Variants in ITFG1 observed in about 807,000 individuals in gnomAD.
The protein encoded by ITFG1 is T-cell immunomodulatory protein.
Under a neutral mutation model 81.8 loss-of-function variants are expected in ITFG1, and 34 were observed. The ratio of observed to expected loss-of-function variants is 0.42; its 90% confidence interval spans 0.32 to 0.55. The LOEUF (loss-of-function observed/expected upper bound fraction) is 0.55. Among genes scored for constraint, ITFG1 ranks in the 20% least tolerant of loss-of-function variants. The pLI is 0.17. For synonymous variants in ITFG1, 285 were observed against 270.6 expected, an observed-to-expected ratio of 1.05 and a Z score of -0.52; for missense variants, 672 against 755.4, an observed-to-expected ratio of 0.89 and a Z score of 1.29.
chr16:47,242,332 T>TA (rs1965944566), intron 12 of ITFG1, among the ~76,000 whole-genome samples: 3 of 139,402 alleles, frequency 2.2e-5, no homozygotes, highest in African/African-American at 8.2e-5. Flanking sequence ...ATGCAAATAA[T>TA]CAAAAAAAAA....
At chr16:47,344,957 T>A (rs1348745320) in intron 8 of ITFG1, among the ~76,000 whole-genome samples, 1 of 152,202 alleles carries the variant, frequency 6.6e-6, no homozygotes, top group Non-Finnish European at 1.5e-5. Context: ...CATTTTCTTA[T>A]CCATTCATCT....
chr16:47,366,444 G>C (rs1285689067), intron 7 of ITFG1, among the ~76,000 whole-genome samples: 2 of 152,190 alleles, frequency 1.3e-5, no homozygotes, highest in Non-Finnish European at 2.9e-5. Flanking sequence ...TGCAACAGCA[G>C]CCATGTGCTG....
intron 14 of ITFG1, among the ~76,000 whole-genome samples, chr16:47,185,659 A>G (rs1225823222): frequency 6.6e-6 from 1 of 152,204 alleles, no homozygotes; most frequent in Non-Finnish European, 1.5e-5. Flanking sequence ...AGAGAGCAGG[A>G]AAGATCCAAA....
At chr16:47,243,463 A>G (rs567011006) in intron 12 of ITFG1, among the ~76,000 whole-genome samples, 10 of 152,234 alleles carry the variant, frequency 6.6e-5, no homozygotes, top group Non-Finnish European at 1.5e-4. Context: ...GCTGGTGAAA[A>G]TATAAATCCC....
At chr16:47,186,183 A>G (rs1965212660) in intron 14 of ITFG1, among the ~76,000 whole-genome samples, 1 of 152,202 alleles carries the variant, frequency 6.6e-6, no homozygotes, top group South Asian at 2.1e-4. Context: ...CCAGAGGTAC[A>G]AGGAGGAACT....
intron 10 of ITFG1, among the ~76,000 whole-genome samples, chr16:47,298,165 C>CT (rs1399351316): frequency 6.6e-6 from 1 of 151,954 alleles, no homozygotes; most frequent in Non-Finnish European, 1.5e-5. Flanking sequence ...GCAGTTCTGG[C>CT]TTTTTTAGAA....
chr16:47,280,317 T>A (rs142523761), intron 10 of ITFG1, among the ~76,000 whole-genome samples: 1 of 152,192 alleles, frequency 6.6e-6, no homozygotes, highest in South Asian at 2.1e-4. Flanking sequence ...AGAGGTTTTA[T>A]CATGAATGCA....
At chr16:47,318,301 T>A (rs1967395608) in intron 8 of ITFG1, among the ~76,000 whole-genome samples, 1 of 152,182 alleles carries the variant, frequency 6.6e-6, no homozygotes, top group South Asian at 2.1e-4. Context: ...ATCTTTGAGA[T>A]GGTTTCATAA....
chr16:47,297,629 T>G (rs1271205114), intron 10 of ITFG1, among the ~76,000 whole-genome samples: 5 of 151,844 alleles, frequency 3.3e-5, no homozygotes, highest in African/African-American at 4.8e-5. Flanking sequence ...ATTGACAGTT[T>G]GCTTTTTTTT....
rs1288541855 is a variant in ITFG1 at position 47,247,015 on chromosome 16, C to CT, written c.1331-9008dup. 2.6e-5 allele frequency among the ~76,000 whole-genome samples: 4 copies of CT among 152,230 alleles called. No homozygotes were observed. In the South Asian group the frequency reaches 6.2e-4, roughly 24 times the overall value. On this transcript the variant is annotated intron_variant, in intron 12 of 17. Transcript: ENST00000320640. ...ACCAGGCTGGTCTCGAACTTGGGGC[C>CT]TCAAGTGATTCGCCTGCCTTGACCT...
chr16:47,368,346 G>A (rs1968205162), intron 7 of ITFG1, among the ~76,000 whole-genome samples: 1 of 151,080 alleles, frequency 6.6e-6, no homozygotes, highest in Admixed American at 6.6e-5. Context: ...GAGGTTAGGA[G>A]ATCAAGACCA....
chr16:47,218,765 G>A, intron 14 of ITFG1, 103 bp downstream of exon 14: 4 of 524,644 alleles, frequency 7.6e-6, no homozygotes, highest in Non-Finnish European at 1.3e-5. Context: ...AAGTGAAGAT[G>A]TTATTAAGGA....
chr16:47,258,617 T>G lies in ITFG1; in HGVS notation c.1330+15A>C. The G allele has an allele frequency of 9.1e-7, 1 of 1,094,338 alleles. No individual in the cohort carries two copies. The highest frequency in any genetic ancestry group is 1.4e-6 in the Non-Finnish European group (1 of 721,078). The allele number at this position is 1,094,338 out of a possible 1,614,324, so 67.8% of individuals were successfully genotyped here. On this transcript the variant is annotated intron_variant, in intron 12 of 17. Coordinates refer to ENST00000320640, the MANE Select transcript of ITFG1 (RefSeq NM_030790.5). ...AGAGAAAGAGAACAAAATTAAATGT[T>G]AGTACTTTACTCACCAATAACTTTA...
intron 8 of ITFG1, among the ~76,000 whole-genome samples, chr16:47,365,150 A>G (rs143352687): frequency 6.6e-6 from 1 of 152,322 alleles, no homozygotes; most frequent in East Asian, 1.9e-4. Flanking sequence ...AGGAAAGCCT[A>G]CGGTGGTTTA....
At chr16:47,443,993 T>C (rs1969290048) in intron 5 of ITFG1, among the ~76,000 whole-genome samples, 2 of 152,168 alleles carry the variant, frequency 1.3e-5, no homozygotes, top group South Asian at 4.1e-4. Flanking sequence ...ATATCTGCCA[T>C]ATAACGTAAT....
At chr16:47,258,191 T>C (rs1823817860) in intron 12 of ITFG1, among the ~76,000 whole-genome samples, 1 of 152,224 alleles carries the variant, frequency 6.6e-6, no homozygotes, top group Admixed American at 6.5e-5. Context: ...ATGTGCTTCC[T>C]GATATGATGC....
rs147240473 is a variant in ITFG1 at position 47,313,611 on chromosome 16, G to C, written c.897+118C>G. ...TTCATTAAGTTAAAATGAGGAAGTC[G>C]GTAACTTAATTTTGGGGTTCCCTCT... On this transcript the variant is annotated intron_variant, in intron 9 of 17. Coordinates refer to ENST00000320640, the MANE Select transcript of ITFG1 (RefSeq NM_030790.5). 399 of 417,642 alleles carry C rather than the reference G, an allele frequency of 9.6e-4. 3 individuals are homozygous for C. The East Asian group carries it at 0.014, about 15-fold the overall frequency. The allele number at this position is 417,642 out of a possible 1,614,324, so 25.9% of individuals were successfully genotyped here. A position where few individuals can be genotyped will look rare whatever the true frequency, so the allele number is the denominator to read the frequency against.
chr16:47,254,929 T>C (rs1400030274), intron 12 of ITFG1, among the ~76,000 whole-genome samples: 2 of 152,128 alleles, frequency 1.3e-5, no homozygotes, highest in Non-Finnish European at 2.9e-5. Context: ...CTACTAAAAA[T>C]ACAAAAGATT....
Position 47,214,281 on chromosome 16 carries a change from G to T in ITFG1, c.1453+4587C>A, listed in dbSNP as rs182069975. Among the ~76,000 whole-genome samples the T allele has an allele frequency of 1.6e-3, 251 of 152,262 alleles. 2 individuals carry two copies. Among genetic ancestry groups the T allele is most frequent in the African/African-American group, 5.6e-3 (233 of 41,540 alleles). On this transcript the variant is annotated intron_variant, in intron 14 of 17. Coordinates refer to ENST00000320640, the MANE Select transcript of ITFG1 (RefSeq NM_030790.5). ...ACACTAAGGGTACACAGAAGGCAAA[G>T]GTTACTTATGTTTTTCTCAGATATA...
Sources: allele counts gnomAD v4.1 joint callset (sites outside exome capture counted in the v4.1 genomes callset), GRCh38; gene constraint gnomAD v4.1.1; transcripts MANE v1.5; gene names NCBI Gene and HGNC (gene_info 2026-07-23, HGNC 2026-07-21).